Variants in PIEZO2 observed in about 807,000 individuals in gnomAD.
The protein encoded by PIEZO2 is piezo type mechanosensitive ion channel component 2.
PIEZO2 carries 172 observed loss-of-function variants against 337.3 expected under a neutral mutation model. The ratio of observed to expected loss-of-function variants is 0.51; its 90% confidence interval spans 0.45 to 0.58. PIEZO2 has a LOEUF of 0.58. Among genes scored for constraint, PIEZO2 ranks in the 20% least tolerant of loss-of-function variants. The pLI, the probability that PIEZO2 is intolerant of heterozygous loss-of-function variation, is 0.00. For synonymous variants in PIEZO2, 1,251 were observed against 1,228.5 expected, an observed-to-expected ratio of 1.02 and a Z score of -0.38; for missense variants, 3,028 against 3,391.3, an observed-to-expected ratio of 0.89 and a Z score of 2.66.
intron 4 of PIEZO2, among the ~76,000 whole-genome samples, chr18:10,906,260 T>A (rs996648272): frequency 1.3e-5 from 2 of 152,188 alleles, no homozygotes; most frequent in African/African-American, 4.8e-5. Flanking sequence ...TCAAATAAAA[T>A]CACATACAAT....
Position 10,903,536 on chromosome 18 carries a change from G to A in PIEZO2, c.329+7650C>T, listed in dbSNP as rs968335900. 5.3e-5 allele frequency among the ~76,000 whole-genome samples: 8 copies of A among 152,062 alleles called. No individual in the cohort carries two copies. The highest frequency in any genetic ancestry group is 8.8e-5 in the Non-Finnish European group (6 of 68,022). On this transcript the variant is annotated intron_variant, in intron 4 of 55. Transcript: ENST00000674853. The surrounding 1 kb of genome is among the most constrained non-coding windows in gnomAD (Gnocchi z 4.1). ...ATAAAAAAAATTAGCTGGGCATAGT[G>A]GCGCGCTCCTGTAGTCCCAGCTACT... is the stretch of plus-strand genomic sequence containing the variant.
Position 10,811,035 on chromosome 18 carries a change from G to A in PIEZO2, c.918-3761C>T, listed in dbSNP as rs141782761. Among the ~76,000 whole-genome samples the A allele has an allele frequency of 1.7e-4, 26 of 152,176 alleles. No homozygotes were observed. The East Asian group carries it at 2.9e-3, about 17-fold the overall frequency. ...TAATTTATGATAATTAAGTTTTGTCGTAAGCATTGGTTCTTCATCATTCTT... is the reference window on the plus strand; with the variant it reads ...TAATTTATGATAATTAAGTTTTGTCATAAGCATTGGTTCTTCATCATTCTT... On this transcript the variant is annotated intron_variant, in intron 7 of 55. Transcript: ENST00000674853.
At position 11,101,073 on chromosome 18, in the gene PIEZO2, C is replaced by T. The variant is rs189619875; in HGVS notation, c.65-34851G>A. ...AGAGAGTTTAATGGGCATGGCATCC[C>T]CAGGGGACAGATGAGTCCCATGTGG... On this transcript the variant is annotated intron_variant, in intron 1 of 55. Coordinates refer to ENST00000674853, the MANE Select transcript of PIEZO2 (RefSeq NM_001378183.1). This position sits in a 1 kb window ranked among gnomAD's most constrained non-coding sequence, Gnocchi z 4.4. Among the ~76,000 whole-genome samples the T allele has an allele frequency of 2.0e-5, 3 of 152,270 alleles. No homozygotes were observed. The highest frequency in any genetic ancestry group is 7.2e-5 in the African/African-American group (3 of 41,558).
At chr18:10,875,807 T>C (rs1459610628) in intron 4 of PIEZO2, among the ~76,000 whole-genome samples, 3 of 152,216 alleles carry the variant, frequency 2.0e-5, no homozygotes, top group Non-Finnish European at 4.4e-5. Flanking sequence ...AGCTTTGTGC[T>C]TCTTGGTCCC....
In PIEZO2 at chr18:10,731,419, C is replaced by A; in HGVS notation, c.5017G>T (p.Gly1673Ter). 2 of 1,534,678 alleles carry A rather than the reference C, an allele frequency of 1.3e-6. No individual in the cohort carries two copies. The highest frequency in any genetic ancestry group is 1.7e-6 in the Non-Finnish European group (2 of 1,145,678). The change falls in exon 36 of 56, where the codon GGA becomes TGA. Residue 1673 changes from glycine to a stop codon, truncating the protein, a stop_gained. Coordinates refer to ENST00000674853, the MANE Select transcript of PIEZO2 (RefSeq NM_001378183.1). LOFTEE classifies it high-confidence loss of function. ...AREERKRRRK[G>*]SKEGPVEWED... ...ACCCACCACTCACCCTCCTTGGATC[C>A]TTTCCGCCTTCGTTTCCGTTCTTCT...
chr18:10,732,870 C>A (rs1394631436), intron 35 of PIEZO2, among the ~76,000 whole-genome samples: 2 of 152,092 alleles, frequency 1.3e-5, no homozygotes, highest in Non-Finnish European at 2.9e-5. Flanking sequence ...TTAAAATAAT[C>A]TGATTACTGA....
At chr18:10,812,159 C>A (rs891177411) in intron 7 of PIEZO2, among the ~76,000 whole-genome samples, 2 of 152,126 alleles carry the variant, frequency 1.3e-5, no homozygotes, top group Admixed American at 1.3e-4. Context: ...AACTGAGAAT[C>A]CAGGTTTATA....
rs2033737130 is a variant in PIEZO2, at chr18:10,670,804, C to G, written c.*723G>C. 1 of 152,268 alleles carries G rather than the reference C, an allele frequency of 6.6e-6. No individual in the cohort carries two copies. The highest frequency in any genetic ancestry group is 2.4e-5 in the African/African-American group (1 of 41,338). 9.4% of individuals were successfully genotyped at this position (152,268 alleles called of 1,614,324 possible). On this transcript the variant is annotated 3_prime_UTR_variant, in exon 56 of 56. Coordinates refer to ENST00000674853, the MANE Select transcript of PIEZO2 (RefSeq NM_001378183.1). ...AATGGTTCCCCTCATTGAAGCTGGT[C>G]ACTGGTGGACCATAACAAAGCAGGT... is the stretch of plus-strand genomic sequence containing the variant.
At position 11,001,838 on chromosome 18, in the gene PIEZO2, A is replaced by T. The variant is rs1286968075; in HGVS notation, c.161-22178T>A. On this transcript the variant is annotated intron_variant, in intron 2 of 55. Coordinates refer to ENST00000674853, the MANE Select transcript of PIEZO2 (RefSeq NM_001378183.1). This position sits in a 1 kb window ranked among gnomAD's most constrained non-coding sequence, Gnocchi z 5.3. ...GGTTGCAGTGAGCTCAGATTGCACC[A>T]CTGTACTCCAGCCTGGGTGATAGAG... Among the ~76,000 whole-genome samples the T allele has an allele frequency of 6.6e-6, 1 of 151,780 alleles. No homozygotes were observed. The highest frequency in any genetic ancestry group is 1.5e-5 in the Non-Finnish European group (1 of 67,988).
In PIEZO2 at chr18:10,946,452, TGTGA is replaced by T. The variant is rs1315252440; in HGVS notation, c.286+33079_286+33082del. Among the ~76,000 whole-genome samples the T allele has an allele frequency of 1.2e-4, 18 of 152,320 alleles. No individual in the cohort carries two copies. The East Asian group carries it at 3.5e-3, about 29-fold the overall frequency. The stretch of plus-strand genomic sequence containing the variant: ...CCCCCACTCTGCAGCAACAAATCAG[TGTGA>T]GTCAGGCCTCCACTTCTCCTCTCCC... On this transcript the variant is annotated intron_variant, in intron 3 of 55. Coordinates refer to ENST00000674853, the MANE Select transcript of PIEZO2 (RefSeq NM_001378183.1).
At position 10,783,371 on chromosome 18, in the gene PIEZO2, A is replaced by T. The variant is rs191687608; in HGVS notation, c.2492+1413T>A. Among the ~76,000 whole-genome samples, 20 of 152,330 alleles carry T rather than the reference A, an allele frequency of 1.3e-4. 1 individual carries two copies. In the East Asian group the frequency reaches 1.9e-3, roughly 15 times the overall value. On this transcript the variant is annotated intron_variant, in intron 17 of 55. Transcript: ENST00000674853. The surrounding 1 kb of genome is among the most constrained non-coding windows in gnomAD (Gnocchi z 4.3). The stretch of plus-strand genomic sequence containing the variant: ...CACAAACAATGTCAAAATAATGATT[A>T]AAAAAATCCTTTTTCTGATTATTGA...
chr18:10,706,766 G>A (rs74484981), intron 40 of PIEZO2, among the ~76,000 whole-genome samples: 31,965 of 152,136 alleles, frequency 0.21, 3,712 homozygotes, highest in East Asian at 0.48. Flanking sequence ...ATCCAGCCAC[G>A]GACGGGAGAG....
chr18:10,893,990 A>C (rs1161838339), intron 4 of PIEZO2, among the ~76,000 whole-genome samples: 2 of 152,204 alleles, frequency 1.3e-5, no homozygotes, highest in Non-Finnish European at 2.9e-5. Flanking sequence ...GGTGAGCATC[A>C]GATGATGGTC....
intron 10 of PIEZO2, 118 bp from the exon 11 acceptor site, chr18:10,800,593 G>A: frequency 8.2e-7 from 1 of 1,225,754 alleles, no homozygotes; most frequent in Non-Finnish European, 1.1e-6. Context: ...ATTACAAGCT[G>A]AATAACTTAG....
At chr18:10,956,635 T>A (rs2033535509) in intron 3 of PIEZO2, among the ~76,000 whole-genome samples, 1 of 152,204 alleles carries the variant, frequency 6.6e-6, no homozygotes, top group South Asian at 2.1e-4. Context: ...TCAAAATATA[T>A]TATAAAGTGA....
chr18:11,013,973 A>G (rs1453271676), intron 2 of PIEZO2, among the ~76,000 whole-genome samples: 1 of 152,250 alleles, frequency 6.6e-6, no homozygotes, highest in African/African-American at 2.4e-5. Flanking sequence ...GAGACGTTAG[A>G]GACCTTGCAA....
chr18:10,888,148 A>G lies in PIEZO2; in HGVS notation c.330-16733T>C, dbSNP rs918717141. 2.0e-5 allele frequency among the ~76,000 whole-genome samples: 3 copies of G among 152,116 alleles called. No homozygotes were observed. The highest frequency in any genetic ancestry group is 6.5e-5 in the Admixed American group (1 of 15,278). ...TAAATATGAATTGGTATTTGGCTGC[A>G]AGTAAGCACTTGCAAGTAAGCACTT... On this transcript the variant is annotated intron_variant, in intron 4 of 55. Coordinates refer to ENST00000674853, the MANE Select transcript of PIEZO2 (RefSeq NM_001378183.1). The surrounding 1 kb of genome is among the most constrained non-coding windows in gnomAD (Gnocchi z 4.1).
intron 9 of PIEZO2, among the ~76,000 whole-genome samples, chr18:10,803,526 G>A (rs1177400591): frequency 1.3e-5 from 2 of 152,100 alleles, no homozygotes; most frequent in African/African-American, 2.4e-5. Flanking sequence ...ATTATTTTCT[G>A]CAATATAGTT....
At position 11,001,801 on chromosome 18, in the gene PIEZO2, C is replaced by A. The variant is rs1487801746; in HGVS notation, c.161-22141G>T. 2.0e-5 allele frequency among the ~76,000 whole-genome samples: 3 copies of A among 151,924 alleles called. No individual in the cohort carries two copies. The highest frequency in any genetic ancestry group is 4.8e-5 in the African/African-American group (2 of 41,344). On this transcript the variant is annotated intron_variant, in intron 2 of 55. Transcript: ENST00000674853. The surrounding 1 kb of genome is among the most constrained non-coding windows in gnomAD (Gnocchi z 5.3). ...GCTGAGGCATGAGAATAGCTTGAAC[C>A]CAGGAGGCAGAGGTTGCAGTGAGCT...
Sources: allele counts gnomAD v4.1 joint callset (sites outside exome capture counted in the v4.1 genomes callset), GRCh38; gene constraint gnomAD v4.1.1; non-coding constraint Gnocchi (gnomAD v3.1); transcripts MANE v1.5; gene names NCBI Gene and HGNC (gene_info 2026-07-23, HGNC 2026-07-21).